Variants in SEC31B observed in about 807,000 individuals in gnomAD.
SEC31B encodes the protein protein transport protein Sec31B.
Under a neutral mutation model 135.0 loss-of-function variants are expected in SEC31B, and 113 were observed. The observed-to-expected ratio is 0.84, with a 90% CI of 0.72 to 0.98. The LOEUF (loss-of-function observed/expected upper bound fraction) is 0.98. Among genes scored for constraint, SEC31B ranks in the 50% least tolerant of loss-of-function variants. The pLI is 0.00. For missense variants in SEC31B, 1,296 were observed against 1,421.1 expected (o/e 0.91, Z 1.42); for synonymous variants, 508 against 549.4 (o/e 0.92, Z 1.05).
rs1300513056 is a variant in SEC31B, at chr10:100,516,867, A to G, written c.79+7T>C. 1 of 1,610,090 alleles carries G rather than the reference A, an allele frequency of 6.2e-7. No individual in the cohort carries two copies. Among genetic ancestry groups the G allele is most frequent in the African/African-American group, 1.3e-5 (1 of 74,892 alleles). ...CCAGTGGATCCTAATTCACAGTGTC[A>G]CCATACCTGTGGCCAGATACAAAGG... On this transcript the variant is annotated splice_region_variant and intron_variant, in intron 2 of 25. Coordinates refer to ENST00000370345, the MANE Select transcript of SEC31B (RefSeq NM_015490.4).
At chr10:100,497,512 T>C (rs1851434652) in intron 16 of SEC31B, 155 bp downstream of exon 16, 1 of 1,514,338 alleles carries the variant, frequency 6.6e-7, no homozygotes, top group Admixed American at 2.1e-5. Flanking sequence ...GCATGCACTG[T>C]GGTCCCTGCC....
At position 100,487,719 on chromosome 10, in the gene SEC31B, G is replaced by T; in HGVS notation, c.3437C>A (p.Ala1146Glu). The change falls in exon 26 of 26, where the codon GCA becomes GAA. Residue 1146 changes from alanine to glutamate, a missense_variant. By Grantham distance (107) the Ala-to-Glu change is moderately radical. Transcript: ENST00000370345. ...VDAGSFEQGL[A>E]VHAQVAGCSS... is the part of the protein sequence containing the mutation. ...ACAGCCCGCCACCTGGGCATGCACT[G>T]CAAGGCCCTGCTCAAAGCTTCCTGC... is the stretch of plus-strand genomic sequence containing the variant. 1 of 1,613,938 alleles carries T rather than the reference G, an allele frequency of 6.2e-7. No homozygotes were observed. Among genetic ancestry groups the T allele is most frequent in the Non-Finnish European group, 8.5e-7 (1 of 1,179,956 alleles).
At chr10:100,489,600 G>T in intron 22 of SEC31B, 103 bp downstream of exon 22, 2 of 1,534,442 alleles carry the variant, frequency 1.3e-6, no homozygotes, top group Non-Finnish European at 9.0e-7. Context: ...GGAGGAGGGC[G>T]GGGACAGTCT....
rs915729054 is a variant in SEC31B, at chr10:100,490,149, G to A, written c.2824C>T (p.Leu942=). ...ATGCGGCCGGGACCTAGTGGTCTCA[G>A]AGGAAGCAGAGGGAACAGTCTAGGA... is the stretch of plus-strand genomic sequence containing the variant. ...ETPRLFPLLP[L]RPLGPGRMVS... is the part of the protein sequence containing the mutation. The change falls in exon 21 of 26, where the codon CTG becomes TTG. Residue 942 remains leucine, a synonymous_variant. Coordinates refer to ENST00000370345, the MANE Select transcript of SEC31B (RefSeq NM_015490.4). The A allele has an allele frequency of 6.3e-7, 1 of 1,597,832 alleles. No individual in the cohort carries two copies. Among genetic ancestry groups the A allele is most frequent in the Non-Finnish European group, 8.5e-7 (1 of 1,172,682 alleles).
rs763307778 is a variant in SEC31B, at chr10:100,516,191, G to A, written c.108C>T (p.Ser36=). 14 of 1,613,882 alleles carry A rather than the reference G, an allele frequency of 8.7e-6. No individual in the cohort carries two copies. Among genetic ancestry groups the A allele is most frequent in the Middle Eastern group, 1.6e-4 (1 of 6,084 alleles). The change falls in exon 3 of 26, where the codon TCC becomes TCT. Residue 36 remains serine, a synonymous_variant. Transcript: ENST00000370345. ...TTTCCAATGTGCCATTTGTGCTGAA[G>A]GAGGAATCTAGCTGTTGGGCAGATG... is the stretch of plus-strand genomic sequence containing the variant. ...TGTSAQQLDS[S]FSTNGTLEIF...
intron 6 of SEC31B, 122 bp downstream of exon 6, chr10:100,507,786 C>A (rs945235453): frequency 2.1e-6 from 3 of 1,398,952 alleles, no homozygotes; most frequent in East Asian, 2.3e-5. Context: ...ATGTGCTAAG[C>A]GGCTGACTCC....
Position 100,490,690 on chromosome 10 carries a change from T to G in SEC31B, c.2650+16A>C. ...CTCTGTGCTCTGCCCAGATAGATCT[T>G]CAGTGACTCACTCACCAGGCCTTAC... On this transcript the variant is annotated intron_variant, in intron 20 of 25. Coordinates refer to ENST00000370345, the MANE Select transcript of SEC31B (RefSeq NM_015490.4). 1.3e-6 allele frequency: 2 copies of G among 1,552,408 alleles called. No homozygotes were observed. The highest frequency in any genetic ancestry group is 1.7e-6 in the Non-Finnish European group (2 of 1,147,402).
Position 100,509,122 on chromosome 10 carries a change from T to C in SEC31B, c.400-20A>G. 6.2e-7 allele frequency: 1 copy of C among 1,607,252 alleles called. No homozygotes were observed. The highest frequency in any genetic ancestry group is 1.3e-5 in the African/African-American group (1 of 74,862). On this transcript the variant is annotated intron_variant, in intron 4 of 25. Coordinates refer to ENST00000370345, the MANE Select transcript of SEC31B (RefSeq NM_015490.4). Reference sequence around the variant, plus strand: ...GTTGCCCTGTATGAATAAAAAGTGTTTGGAGACATACCACCCTAGGAAGAA... The same window carrying C: ...GTTGCCCTGTATGAATAAAAAGTGTCTGGAGACATACCACCCTAGGAAGAA...
At chr10:100,507,065 G>C (rs1851646045) in intron 7 of SEC31B, among the ~76,000 whole-genome samples, 1 of 152,214 alleles carries the variant, frequency 6.6e-6, no homozygotes, top group African/African-American at 2.4e-5. Context: ...GGATAGACAG[G>C]AGTCAAGTTG....
In SEC31B at chr10:100,506,194, T is replaced by C. The variant is rs756241081; in HGVS notation, c.890A>G (p.Tyr297Cys). ...CCAGCTGCTCTGTGTTGGTAGCTTATATACCACCTAATATGAGGGAACACA... is the reference window on the plus strand; with the variant it reads ...CCAGCTGCTCTGTGTTGGTAGCTTACATACCACCTAATATGAGGGAACACA... ...CRNLGSSEVV[Y>C]KLPTQSSWCF... The change falls in exon 9 of 26, where the codon TAT becomes TGT. Residue 297 changes from tyrosine to cysteine, a missense_variant. Coordinates refer to ENST00000370345, the MANE Select transcript of SEC31B (RefSeq NM_015490.4). The C allele has an allele frequency of 1.2e-6, 2 of 1,614,176 alleles. No individual in the cohort carries two copies. The highest frequency in any genetic ancestry group is 1.7e-6 in the Non-Finnish European group (2 of 1,180,048).
In SEC31B at chr10:100,499,686, T is replaced by C. The variant is rs1165887111; in HGVS notation, c.1411-88A>G. On this transcript the variant is annotated intron_variant, in intron 11 of 25. Transcript: ENST00000370345. Reference sequence around the variant, plus strand: ...AACAAGCTGGGTATCTGTGCCAGTATACCCAATATAGTTCTTTGTACTACT... The same window carrying C: ...AACAAGCTGGGTATCTGTGCCAGTACACCCAATATAGTTCTTTGTACTACT... 10 of 928,722 alleles carry C rather than the reference T, an allele frequency of 1.1e-5. No homozygotes were observed. The Admixed American group carries it at 2.2e-4, about 21-fold the overall frequency. 57.5% of individuals were successfully genotyped at this position (928,722 alleles called of 1,614,324 possible). A position where few individuals can be genotyped will look rare whatever the true frequency, so the allele number is the denominator to read the frequency against.
rs1463078654 is a variant in SEC31B at position 100,487,203 on chromosome 10, A to G, written c.*413T>C. 1.5e-5 allele frequency: 3 copies of G among 203,092 alleles called. No individual in the cohort carries two copies. The Admixed American group carries it at 1.6e-4, about 11-fold the overall frequency. The allele number at this position is 203,092 out of a possible 1,614,324, so 12.6% of individuals were successfully genotyped here. Reference sequence around the variant, plus strand: ...GCAGGGAAAAGGTAAGGGCAGGCTCATAAACCACAGAAGGGAGAAACAAAA... The same window carrying G: ...GCAGGGAAAAGGTAAGGGCAGGCTCGTAAACCACAGAAGGGAGAAACAAAA... On this transcript the variant is annotated 3_prime_UTR_variant, in exon 26 of 26. Transcript: ENST00000370345.
intron 3 of SEC31B, among the ~76,000 whole-genome samples, chr10:100,512,908 G>A (rs998171604): frequency 2.6e-5 from 4 of 152,166 alleles, no homozygotes; most frequent in Non-Finnish European, 4.4e-5. Flanking sequence ...ATTTGCCCAA[G>A]TCACACAGCT....
Position 100,497,116 on chromosome 10 carries a change from C to T in SEC31B, c.2136+19G>A, listed in dbSNP as rs1347843956. ...AGGGCCTGGTGTGGAGTGGCCAGTA[C>T]CCTGCAGAGAAGGGGTACCTGCAGA... On this transcript the variant is annotated intron_variant, in intron 17 of 25. Transcript: ENST00000370345. The T allele has an allele frequency of 6.2e-7, 1 of 1,613,740 alleles. No homozygotes were observed. Among genetic ancestry groups the T allele is most frequent in the Non-Finnish European group, 8.5e-7 (1 of 1,179,822 alleles).
rs749396208 is a variant in SEC31B at position 100,502,447 on chromosome 10, G to T, written c.1217C>A (p.Thr406Asn). 6.2e-7 allele frequency: 1 copy of T among 1,613,928 alleles called. No homozygotes were observed. Among genetic ancestry groups the T allele is most frequent in the Admixed American group, 1.7e-5 (1 of 60,016 alleles). ...GKLVTFGLPSTPAHLVPQPCP... is the reference protein window; with the variant it reads ...GKLVTFGLPSNPAHLVPQPCP... ...AGGCTGTGGCACCAGATGGGCAGGG[G>T]TGCTGGGGAGGCCAAAAGTAACCAG... The change falls in exon 11 of 26, where the codon ACC becomes AAC. Residue 406 changes from threonine to asparagine, a missense_variant. Physicochemically the swap from Thr to Asn is moderately conservative, Grantham distance 65. Transcript: ENST00000370345.
At chr10:100,492,533 T>C (rs1851319853) in intron 19 of SEC31B, among the ~76,000 whole-genome samples, 1 of 152,258 alleles carries the variant, frequency 6.6e-6, no homozygotes, top group Non-Finnish European at 1.5e-5. Context: ...ATGTTCACTA[T>C]TCTTATTTAA....
rs1413772847 is a variant in SEC31B, at chr10:100,516,926, T to TGGG, written c.26_27insCCC (p.Pro9dup). 19 of 1,614,052 alleles carry TGGG rather than the reference T, an allele frequency of 1.2e-5. No individual in the cohort carries two copies. Among genetic ancestry groups the TGGG allele is most frequent in the Non-Finnish European group, 1.4e-5 (17 of 1,180,026 alleles). ...TGGCTGGGCTCCATGCCTGGACAGC[T>TGGG]GGCCGCTCAAGTTCCTTCAGCTTCA... On this transcript the variant is annotated inframe_insertion, in exon 2 of 26. Coordinates refer to ENST00000370345, the MANE Select transcript of SEC31B (RefSeq NM_015490.4).
intron 9 of SEC31B, chr10:100,505,701 C>G: frequency 6.4e-6 from 9 of 1,416,194 alleles, no homozygotes; most frequent in Non-Finnish European, 8.2e-6. Flanking sequence ...CTACTACATT[C>G]AAAGTCTACA....
At chr10:100,500,725 C>T (rs903989089) in intron 11 of SEC31B, among the ~76,000 whole-genome samples, 1 of 152,218 alleles carries the variant, frequency 6.6e-6, no homozygotes, top group Non-Finnish European at 1.5e-5. Flanking sequence ...GCAAACCTTT[C>T]TGAAGCCCCC....
Sources: allele counts gnomAD v4.1 joint callset (sites outside exome capture counted in the v4.1 genomes callset), GRCh38; gene constraint gnomAD v4.1.1; transcripts MANE v1.5; gene names NCBI Gene and HGNC (gene_info 2026-07-23, HGNC 2026-07-21).